BIN1: variants seen among roughly 807,000 people sequenced by gnomAD.
BIN1 encodes the protein myc box-dependent-interacting protein 1.
BIN1 carries 53 observed loss-of-function variants against 82.0 expected under a neutral mutation model. That is an observed-to-expected ratio of 0.65 (90% CI 0.52 to 0.81). The LOEUF (loss-of-function observed/expected upper bound fraction) is 0.81. BIN1 is among the 40% of genes least tolerant of loss of function. The probability of loss-of-function intolerance (pLI) is 0.00; values close to 1 mark genes in which losing one functional copy is unlikely to be tolerated. For missense variants in BIN1, 642 were observed against 784.4 expected, an observed-to-expected ratio of 0.82 and a Z score of 2.17; for synonymous variants, 302 against 328.0, an observed-to-expected ratio of 0.92 and a Z score of 0.86.
rs572214628 is a variant in BIN1 at position 127,068,622 on chromosome 2, G to C, written c.519+302C>G. 6.6e-6 allele frequency among the ~76,000 whole-genome samples: 1 copy of C among 152,202 alleles called. No individual in the cohort carries two copies. Among genetic ancestry groups the C allele is most frequent in the Non-Finnish European group, 1.5e-5 (1 of 68,038 alleles). ...TGGGATCGCGTGACGAATTCCACCC[G>C]GCTCGCCAGGCAGGGCGGCGCCGTT... On this transcript the variant is annotated intron_variant, in intron 6 of 18. Transcript: ENST00000316724. The surrounding 1 kb of genome is among the most constrained non-coding windows in gnomAD (Gnocchi z 4.9).
At chr2:127,084,270 C>T (rs1234342681) in intron 1 of BIN1, among the ~76,000 whole-genome samples, 4 of 152,230 alleles carry the variant, frequency 2.6e-5, no homozygotes, top group African/African-American at 9.6e-5. Flanking sequence ...GTTACCCAAT[C>T]TCCTCCACGT....
intron 2 of BIN1, among the ~76,000 whole-genome samples, chr2:127,072,622 A>G (rs1289247101): frequency 4.6e-5 from 1 of 21,944 alleles, no homozygotes; most frequent in Non-Finnish European, 7.3e-5. Context: ...AGCATGTGTG[A>G]AAAAAAAAAA....
chr2:127,076,025 A>G (rs1382488007), intron 2 of BIN1, among the ~76,000 whole-genome samples: 3 of 138,050 alleles, frequency 2.2e-5, no homozygotes, highest in Non-Finnish European at 4.7e-5. Context: ...GCCCTCTCCC[A>G]GCTACTCCCG....
chr2:127,072,153 C>A (rs561171922), intron 2 of BIN1, among the ~76,000 whole-genome samples: 1 of 152,252 alleles, frequency 6.6e-6, no homozygotes, highest in Admixed American at 6.5e-5. Flanking sequence ...TTCATGCTTG[C>A]GCAAGAGCCG....
At chr2:127,061,877 C>T (rs914332486) in intron 10 of BIN1, among the ~76,000 whole-genome samples, 2 of 152,162 alleles carry the variant, frequency 1.3e-5, no homozygotes, top group Non-Finnish European at 2.9e-5. Flanking sequence ...CTCAGGGACC[C>T]GCGGACTCCC....
Position 127,064,000 on chromosome 2 carries a change from T to C in BIN1, c.631A>G (p.Lys211Glu). The C allele has an allele frequency of 6.2e-7, 1 of 1,613,874 alleles. No individual in the cohort carries two copies. The highest frequency in any genetic ancestry group is 2.2e-5 in the East Asian group (1 of 44,858). The change falls in exon 8 of 19, where the codon AAA becomes GAA. Residue 211 changes from lysine (K) to glutamate (E), a missense_variant. Transcript: ENST00000316724. ...LRNQAEEELIKAQKVFEEMNV... is the reference protein window; with the variant it reads ...LRNQAEEELIEAQKVFEEMNV... ...ATCTCCTCAAACACCTTCTGGGCTT[T>C]GATGAGCTCCTCCTCGGCCTGGGGG...
At position 127,057,887 on chromosome 2, in the gene BIN1, C is replaced by T. The variant is rs1022078197; in HGVS notation, c.1003-286G>A. Among the ~76,000 whole-genome samples the T allele has an allele frequency of 1.2e-5, 1 of 86,140 alleles. No individual in the cohort carries two copies. The highest frequency in any genetic ancestry group is 2.1e-5 in the Non-Finnish European group (1 of 47,114). The allele number at this position is 86,140 out of a possible 152,430, so 56.5% of individuals were successfully genotyped here. Reference sequence around the variant, plus strand: ...AGTGAGGGGAGAGGAGGAAGGAGAGCGAAGAAGAGAAGAGGCCCCAGGCTG... The same window carrying T: ...AGTGAGGGGAGAGGAGGAAGGAGAGTGAAGAAGAGAAGAGGCCCCAGGCTG... On this transcript the variant is annotated intron_variant, in intron 11 of 18. Transcript: ENST00000316724. The surrounding 1 kb of genome is among the most constrained non-coding windows in gnomAD (Gnocchi z 5.0).
In BIN1 at chr2:127,048,534, C is replaced by A. The variant is rs199908147; in HGVS notation, c.1774G>T (p.Val592Phe). The A allele has an allele frequency of 6.7e-5, 108 of 1,613,968 alleles. No individual in the cohort carries two copies. Among genetic ancestry groups the A allele is most frequent in the Non-Finnish European group, 8.9e-5 (105 of 1,180,024 alleles). Reference protein sequence around the residue: ...GVFPENFTERVP With the variant: ...GVFPENFTERFP ...CTGCCTGGGCCCCGCCGTCATGGGA[C>A]CCTCTCAGTGAAGTTCTCGGGGAAG... The change falls in exon 19 of 19, where the codon GTC becomes TTC. Residue 592 changes from valine to phenylalanine, a missense_variant. Physicochemically the swap from Val to Phe is conservative, Grantham distance 50. Transcript: ENST00000316724.
At chr2:127,071,015 C>T (rs1229507578) in intron 2 of BIN1, among the ~76,000 whole-genome samples, 199 bp from the exon 3 acceptor site, 7 of 152,214 alleles carry the variant, frequency 4.6e-5, no homozygotes, top group African/African-American at 1.7e-4. Flanking sequence ...CACCCTTGCC[C>T]ATGCTTGTGG....
chr2:127,081,040 G>A (rs1050841158), intron 1 of BIN1, among the ~76,000 whole-genome samples: 4 of 152,230 alleles, frequency 2.6e-5, no homozygotes, highest in African/African-American at 9.6e-5. Flanking sequence ...CCAGTGAGAG[G>A]GCAGAAGGCC....
At chr2:127,066,110 A>G (rs3768862) in intron 7 of BIN1, among the ~76,000 whole-genome samples, 23,573 of 152,072 alleles carry the variant, frequency 0.16, 2,151 homozygotes, top group East Asian at 0.22. Flanking sequence ...AGGATGCACT[A>G]TCTCCCCAAA....
At chr2:127,106,492 G>A (rs2105375546) in intron 1 of BIN1, among the ~76,000 whole-genome samples, 1 of 152,324 alleles carries the variant, frequency 6.6e-6, no homozygotes, top group East Asian at 1.9e-4. Flanking sequence ...AGAGCTGAGG[G>A]TCACCACCTG....
At chr2:127,050,654 T>C (rs1682802851) in intron 17 of BIN1, 132 bp from the exon 18 acceptor site, 2 of 1,317,116 alleles carry the variant, frequency 1.5e-6, no homozygotes, top group African/African-American at 1.5e-5. Flanking sequence ...CAGGACAGTA[T>C]GGGGCTCAGA....
intron 1 of BIN1, among the ~76,000 whole-genome samples, chr2:127,101,237 A>G (rs1468503025): frequency 6.6e-6 from 1 of 152,086 alleles, no homozygotes; most frequent in African/African-American, 2.4e-5. Flanking sequence ...CTTAATCCTA[A>G]AAGGAGGCTT....
At chr2:127,048,672 G>C (rs757505000) in intron 18 of BIN1, 39 bp from the exon 19 acceptor site, 3 of 1,591,320 alleles carry the variant, frequency 1.9e-6, no homozygotes, top group Non-Finnish European at 1.7e-6. Context: ...GGATGAGCAA[G>C]GGGCTCCACC....
intron 1 of BIN1, among the ~76,000 whole-genome samples, chr2:127,094,693 C>T (rs1245452007): frequency 3.9e-5 from 6 of 152,238 alleles, no homozygotes; most frequent in Non-Finnish European, 5.9e-5. Flanking sequence ...GGCACAAAGC[C>T]GGACGCTGGC....
At chr2:127,064,586 G>A (rs1004242438) in intron 7 of BIN1, among the ~76,000 whole-genome samples, 5 of 152,176 alleles carry the variant, frequency 3.3e-5, no homozygotes, top group African/African-American at 7.2e-5. Flanking sequence ...GCCCTCTCCT[G>A]GGACCTGTCC....
At chr2:127,070,278 A>G (rs1484938044) in intron 4 of BIN1, among the ~76,000 whole-genome samples, 188 bp from the exon 5 acceptor site, 4 of 152,186 alleles carry the variant, frequency 2.6e-5, no homozygotes, top group African/African-American at 9.6e-5. Context: ...TGAGGATCAG[A>G]TACGCTGAGG....
In BIN1 at chr2:127,059,156, C is replaced by T; in HGVS notation, c.858-1G>A. 1 of 1,572,700 alleles carries T rather than the reference C, an allele frequency of 6.4e-7. No individual in the cohort carries two copies. Reference sequence around the variant, plus strand: ...GTTCCCTTTTGCAGGCGCGTTGTCACTGTGGGGGAGGACAAGAAAGGGAGC... The same window carrying T: ...GTTCCCTTTTGCAGGCGCGTTGTCATTGTGGGGGAGGACAAGAAAGGGAGC... On this transcript the variant is annotated splice_acceptor_variant, in intron 10 of 18. Coordinates refer to ENST00000316724, the MANE Select transcript of BIN1 (RefSeq NM_139343.3). LOFTEE classifies it high-confidence loss of function. The surrounding 1 kb of genome is among the most constrained non-coding windows in gnomAD (Gnocchi z 6.7).
Sources: allele counts gnomAD v4.1 joint callset (sites outside exome capture counted in the v4.1 genomes callset), GRCh38; gene constraint gnomAD v4.1.1; non-coding constraint Gnocchi (gnomAD v3.1); transcripts MANE v1.5; gene names NCBI Gene and HGNC (gene_info 2026-07-23, HGNC 2026-07-21).